Variants in NTM observed in about 807,000 individuals in gnomAD.
The protein encoded by NTM is IgLON family member 2.
In NTM, 13 loss-of-function variants were observed where a neutral mutation model predicts 42.1. That is an observed-to-expected ratio of 0.31 (90% CI 0.20 to 0.49). The LOEUF (loss-of-function observed/expected upper bound fraction) is 0.49. NTM is among the 20% of genes least tolerant of loss of function. The pLI is 0.99. For synonymous variants in NTM, 187 were observed against 179.2 expected, an observed-to-expected ratio of 1.04 and a Z score of -0.35; for missense variants, 373 against 452.8, an observed-to-expected ratio of 0.82 and a Z score of 1.60.
At chr11:131,600,259 T>C (rs1322278352) in intron 1 of NTM, among the ~76,000 whole-genome samples, 1 of 152,196 alleles carries the variant, frequency 6.6e-6, no homozygotes, top group Non-Finnish European at 1.5e-5. Context: ...ACATTCCTCA[T>C]GCAGAAATGT....
At chr11:131,751,867 C>T (rs981293296) in intron 1 of NTM, among the ~76,000 whole-genome samples, 11 of 149,988 alleles carry the variant, frequency 7.3e-5, no homozygotes, top group Admixed American at 2.7e-4. Context: ...AGCTCCATAA[C>T]GGGCCAAGAT....
chr11:132,144,803 G>A, intron 2 of NTM, among the ~76,000 whole-genome samples: 1 of 152,172 alleles, frequency 6.6e-6, no homozygotes. Flanking sequence ...GCCAGAAAAT[G>A]CAATGAGCTG....
At chr11:132,120,398 C>T (rs571247859) in intron 2 of NTM, among the ~76,000 whole-genome samples, 3 of 152,214 alleles carry the variant, frequency 2.0e-5, no homozygotes, top group East Asian at 1.9e-4. Flanking sequence ...TCAGTTTACC[C>T]GACTGAGTTT....
intron 4 of NTM, among the ~76,000 whole-genome samples, chr11:132,303,067 A>G (rs2094925846): frequency 6.6e-6 from 1 of 152,208 alleles, no homozygotes. Context: ...ATAACCATTC[A>G]TGTCCCCTTA....
chr11:132,143,132 G>A (rs942375442), intron 2 of NTM, among the ~76,000 whole-genome samples: 10 of 152,108 alleles, frequency 6.6e-5, no homozygotes, highest in Non-Finnish European at 1.3e-4. Context: ...CTCCTGTAAC[G>A]TATCAGAAAA....
At chr11:131,510,130 C>A (rs1260959454) in intron 1 of NTM, among the ~76,000 whole-genome samples, 1 of 152,170 alleles carries the variant, frequency 6.6e-6, no homozygotes, top group South Asian at 2.1e-4. Flanking sequence ...TTGAAATTTA[C>A]ATGCGGGATG....
At chr11:131,849,786 A>G (rs1483065629) in intron 1 of NTM, among the ~76,000 whole-genome samples, 1 of 140,076 alleles carries the variant, frequency 7.1e-6, no homozygotes, top group Non-Finnish European at 1.5e-5. Context: ...ATACATGGAC[A>G]CAGGAAGGGG....
At chr11:131,647,800 T>C (rs918321803) in intron 1 of NTM, among the ~76,000 whole-genome samples, 9 of 152,214 alleles carry the variant, frequency 5.9e-5, no homozygotes, top group Non-Finnish European at 1.2e-4. Context: ...AAAAAGTTAA[T>C]GTATGTGTAC....
chr11:132,086,152 G>A (rs368417203), intron 2 of NTM, among the ~76,000 whole-genome samples: 6 of 151,798 alleles, frequency 4.0e-5, no homozygotes, highest in Admixed American at 1.3e-4. Context: ...GTGAAAACCC[G>A]TCTCTACTAA....
intron 1 of NTM, among the ~76,000 whole-genome samples, chr11:131,683,432 A>T (rs1333195595): frequency 6.6e-6 from 1 of 152,210 alleles, no homozygotes; most frequent in African/African-American, 2.4e-5. Context: ...AAATGAAGGG[A>T]TAATGCAATA....
chr11:132,140,170 G>A (rs2068790966), intron 2 of NTM, among the ~76,000 whole-genome samples: 1 of 152,144 alleles, frequency 6.6e-6, no homozygotes, highest in Non-Finnish European at 1.5e-5. Flanking sequence ...GGGGCATCAG[G>A]AACAGAGCTG....
intron 2 of NTM, among the ~76,000 whole-genome samples, chr11:132,062,330 G>T (rs558996905): frequency 2.6e-4 from 40 of 152,264 alleles, no homozygotes; most frequent in African/African-American, 9.1e-4. Context: ...AATAGATTTG[G>T]CAGGTGCTGA....
chr11:131,688,181 G>A (rs1224840944), intron 1 of NTM, among the ~76,000 whole-genome samples: 1 of 152,124 alleles, frequency 6.6e-6, no homozygotes, highest in Non-Finnish European at 1.5e-5. Flanking sequence ...GGGCACCCGC[G>A]CCCCCCGAGC....
chr11:131,683,050 T>C (rs1459066793), intron 1 of NTM, among the ~76,000 whole-genome samples: 1 of 152,216 alleles, frequency 6.6e-6, no homozygotes, highest in African/African-American at 2.4e-5. Flanking sequence ...CTAGGAATTC[T>C]GTGGCGAAAA....
chr11:131,961,164 T>G (rs1429581240), intron 2 of NTM, among the ~76,000 whole-genome samples: 1 of 152,146 alleles, frequency 6.6e-6, no homozygotes, highest in Non-Finnish European at 1.5e-5. Context: ...ATAACTCATG[T>G]TCCCAGGAAT....
intron 1 of NTM, among the ~76,000 whole-genome samples, chr11:131,448,106 G>A (rs544541342): frequency 2.0e-5 from 3 of 152,340 alleles, no homozygotes; most frequent in East Asian, 3.9e-4. Flanking sequence ...TTCCACGTGC[G>A]AGTGTGGTAG....
chr11:132,104,935 A>ACGTGTGTGTG (rs1555263244), intron 2 of NTM, among the ~76,000 whole-genome samples: 2 of 20,002 alleles, frequency 1.0e-4, no homozygotes, highest in African/African-American at 3.8e-4. Context: ...ATATATACAT[A>ACGTGTGTGTG]TGTATATATA....
At chr11:132,224,459 G>A (rs1029896484) in intron 4 of NTM, among the ~76,000 whole-genome samples, 1 of 152,246 alleles carries the variant, frequency 6.6e-6, no homozygotes, top group East Asian at 1.9e-4. Context: ...AGGGGAGCAG[G>A]AGCAGATGCA....
At chr11:131,809,386 C>G (rs1252178595) in intron 1 of NTM, among the ~76,000 whole-genome samples, 1 of 152,186 alleles carries the variant, frequency 6.6e-6, no homozygotes, top group Non-Finnish European at 1.5e-5. Flanking sequence ...TGCTCTGCAT[C>G]TAGACTTCCC....
Sources: allele counts gnomAD v4.1 joint callset (sites outside exome capture counted in the v4.1 genomes callset), GRCh38; gene constraint gnomAD v4.1.1; transcripts MANE v1.5; gene names NCBI Gene and HGNC (gene_info 2026-07-23, HGNC 2026-07-21).